ZNF575: variants seen among roughly 807,000 people sequenced by gnomAD.
The protein encoded by ZNF575 is zinc finger protein 575.
Under a neutral mutation model 17.5 loss-of-function variants are expected in ZNF575, and 17 were observed. The ratio of observed to expected loss-of-function variants is 0.97; its 90% CI spans 0.66 to 1.45. The LOEUF (loss-of-function observed/expected upper bound fraction) is 1.45. Among genes scored for constraint, ZNF575 ranks in the 40% most tolerant of loss-of-function variants. The probability of loss-of-function intolerance (pLI) is 0.00; values close to 1 mark genes in which losing one functional copy is unlikely to be tolerated. For missense variants in ZNF575, 352 were observed against 359.2 expected (o/e 0.98, Z 0.16); for synonymous variants, 146 against 158.3 (o/e 0.92, Z 0.58).
chr19:43,532,563 A>T (rs1972357327), upstream of ZNF575, among the ~76,000 whole-genome samples: 1 of 152,170 alleles, frequency 6.6e-6, no homozygotes, highest in Non-Finnish European at 1.5e-5. Flanking sequence ...CGTATTCCAA[A>T]CCAGTTACCC....
upstream of ZNF575, chr19:43,531,973 A>ATTT: frequency 3.8e-6 from 1 of 259,802 alleles, no homozygotes; most frequent in East Asian, 4.2e-5. Context: ...TTTTTTTAAG[A>ATTT]TGGGGAGGTG....
At chr19:43,534,188 T>A in intron 2 of ZNF575, 149 bp from the exon 3 acceptor site, 1 of 528,740 alleles carries the variant, frequency 1.9e-6, no homozygotes, top group Non-Finnish European at 3.3e-6. Flanking sequence ...CAACCCTGGG[T>A]TTAGATAGCG....
chr19:43,531,792 T>A, upstream of ZNF575: 1 of 631,782 alleles, frequency 1.6e-6, no homozygotes, highest in Non-Finnish European at 2.9e-6. Context: ...TTTTAAAAAC[T>A]TTTTTTTTAA....
chr19:43,535,374 C>T lies in ZNF575; in HGVS notation c.425C>T (p.Ala142Val). The T allele has an allele frequency of 1.9e-6, 3 of 1,581,516 alleles. No homozygotes were observed. The highest frequency in any genetic ancestry group is 1.7e-4 in the Middle Eastern group (1 of 5,960). Residue 142 changes from alanine (A) to valine (V), a missense_variant, in exon 4 of 4, where the codon GCA becomes GTA. Coordinates refer to ENST00000314228, the MANE Select transcript of ZNF575 (RefSeq NM_174945.3). ...SKLAAHLWTH[A>V]PTRPYPCPDC... ...CTGGCGGCTCACCTCTGGACCCACG[C>T]ACCCACCCGCCCCTACCCGTGCCCC...
rs1250214688 is a variant in ZNF575 at position 43,534,275 on chromosome 19, C to T, written c.-86-62C>T. The T allele has an allele frequency of 3.7e-5, 27 of 732,902 alleles. No homozygotes were observed. The East Asian group carries it at 7.3e-4, about 20-fold the overall frequency. 45.4% of individuals were successfully genotyped at this position (732,902 alleles called of 1,614,324 possible). A position where few individuals can be genotyped will look rare whatever the true frequency, so the allele number is the denominator to read the frequency against. The stretch of plus-strand genomic sequence containing the variant: ...GGCTCCGCCTCCCCGCTAAGCCTGC[C>T]CCCGCCTTAGCATCCCATACTTGCA... On this transcript the variant is annotated intron_variant, in intron 2 of 3. Transcript: ENST00000314228.
intron 2 of ZNF575, 71 bp from the exon 3 acceptor site, chr19:43,534,266 T>C: frequency 2.9e-6 from 2 of 685,470 alleles, no homozygotes; most frequent in Non-Finnish European, 4.8e-6. Flanking sequence ...GCCTCCCCGC[T>C]AAGCCTGCCC....
chr19:43,534,567 T>TG, intron 3 of ZNF575, 66 bp downstream of exon 3: 1 of 1,362,390 alleles, frequency 7.3e-7, no homozygotes, highest in Admixed American at 3.5e-5. Context: ...AATCACATTC[T>TG]GGGGGAATCT....
At chr19:43,531,942 CTTTTTTTT>C (rs869122064), upstream of ZNF575, 159 of 107,284 alleles carry the variant, frequency 1.5e-3, no homozygotes, top group Middle Eastern at 9.5e-3. Context: ...TTAAGCCAGA[CTTTTTTTT>C]TTTTTTTTTT....
chr19:43,535,802 C>A lies in ZNF575; in HGVS notation c.*115C>A. The A allele has an allele frequency of 7.9e-7, 1 of 1,271,574 alleles. No homozygotes were observed. Among genetic ancestry groups the A allele is most frequent in the Non-Finnish European group, 1.1e-6 (1 of 943,752 alleles). 78.8% of individuals were successfully genotyped at this position (1,271,574 alleles called of 1,614,324 possible). On this transcript the variant is annotated 3_prime_UTR_variant, in exon 4 of 4. Transcript: ENST00000314228. ...TCCAGATAGCTGGCAGAGGGCAGGGCAAGGGATTGGCCATTTATACTGGGC... is the reference window on the plus strand; with the variant it reads ...TCCAGATAGCTGGCAGAGGGCAGGGAAAGGGATTGGCCATTTATACTGGGC...
intron 3 of ZNF575, 51 bp downstream of exon 3, chr19:43,534,552 A>C (rs1244753176): frequency 4.3e-6 from 6 of 1,381,344 alleles, no homozygotes; most frequent in Non-Finnish European, 5.7e-6. Flanking sequence ...AACGGGGGCC[A>C]AAATAATCAC....
At chr19:43,534,228 AGCCCC>A (rs1286337834) in intron 2 of ZNF575, 104 bp from the exon 3 acceptor site, 8 of 556,192 alleles carry the variant, frequency 1.4e-5, no homozygotes, top group Non-Finnish European at 2.2e-5. Flanking sequence ...GAATTTGCAT[AGCCCC>A]GCTCACTGTG....
chr19:43,534,479 CA>C lies in ZNF575; in HGVS notation c.59del (p.Lys20ArgfsTer4), dbSNP rs1568506737. 6.7e-7 allele frequency: 1 copy of C among 1,485,342 alleles called. No individual in the cohort carries two copies. Among genetic ancestry groups the C allele is most frequent in the Non-Finnish European group, 9.0e-7 (1 of 1,115,972 alleles). 92.0% of individuals were successfully genotyped at this position (1,485,342 alleles called of 1,614,324 possible). ...AGATDPSPTG[K>X]EPVTKEAPHQ... ...GGGCTACCGATCCTAGTCCCACTGG[CA>C]AGGAACCAGTGACCAAAGAAGGTGA... On this transcript the variant is annotated frameshift_variant, in exon 3 of 4. Transcript: ENST00000314228. LOFTEE classifies it high-confidence loss of function.
upstream of ZNF575, chr19:43,531,811 G>A (rs1320826460): frequency 5.8e-6 from 4 of 685,114 alleles, no homozygotes; most frequent in African/African-American, 5.4e-5. Context: ...AAAGATACGG[G>A]GTATCACTCT....
In ZNF575 at chr19:43,535,103, C is replaced by G; in HGVS notation, c.154C>G (p.Arg52Gly). ...GPTASAGSPP[R>G]PRRRPPPQRP... ...CACCGCGTCCGCGGGCTCGCCTCCC[C>G]GGCCTCGCCGGCGGCCCCCGCCCCA... Residue 52 changes from arginine (R) to glycine (G), a missense_variant, in exon 4 of 4, where the codon CGG becomes GGG. By Grantham distance (125) the Arg-to-Gly change is moderately radical (BLOSUM62 -2). Transcript: ENST00000314228. 2 of 1,513,446 alleles carry G rather than the reference C, an allele frequency of 1.3e-6. No homozygotes were observed. The highest frequency in any genetic ancestry group is 1.8e-6 in the Non-Finnish European group (2 of 1,136,318). 93.8% of individuals were successfully genotyped at this position (1,513,446 alleles called of 1,614,324 possible). A position where few individuals can be genotyped will look rare whatever the true frequency, so the allele number is the denominator to read the frequency against.
upstream of ZNF575, among the ~76,000 whole-genome samples, chr19:43,531,185 G>A (rs926827940): frequency 2.6e-5 from 4 of 151,822 alleles, no homozygotes; most frequent in Non-Finnish European, 4.4e-5. Flanking sequence ...CAGCTACTCA[G>A]GACGTTGAAG....
chr19:43,533,185 G>C (rs924031220), upstream of ZNF575: 1 of 152,166 alleles, frequency 6.6e-6, no homozygotes. Context: ...CTGTCGATAC[G>C]GTAGCTTCGC....
At chr19:43,531,005 G>A (rs568116743), upstream of ZNF575, among the ~76,000 whole-genome samples, 272 of 152,010 alleles carry the variant, frequency 1.8e-3, 1 homozygote, top group Admixed American at 3.6e-3. Flanking sequence ...GAGGTTGGGC[G>A]CGGTGGCTCA....
intron 3 of ZNF575, 95 bp downstream of exon 3, chr19:43,534,596 G>A (rs1972388521): frequency 3.3e-6 from 4 of 1,206,384 alleles, no homozygotes; most frequent in Non-Finnish European, 4.4e-6. Flanking sequence ...AAATTTGAGG[G>A]CCCTAGGGTG....
rs1434029156 is a variant in ZNF575, at chr19:43,533,898, G to C, written c.-91G>C. 6.5e-6 allele frequency: 1 copy of C among 154,056 alleles called. No individual in the cohort carries two copies. The highest frequency in any genetic ancestry group is 1.4e-5 in the Non-Finnish European group (1 of 69,138). 9.5% of individuals were successfully genotyped at this position (154,056 alleles called of 1,614,324 possible). A position where few individuals can be genotyped will look rare whatever the true frequency, so the allele number is the denominator to read the frequency against. On this transcript the variant is annotated 5_prime_UTR_variant, in exon 2 of 4. Transcript: ENST00000314228. ...TCAATGAACTGAGACTAAGTCAAAAGCCGGGTAAAGCTAGGTCTTCGACGT... is the reference window on the plus strand; with the variant it reads ...TCAATGAACTGAGACTAAGTCAAAACCCGGGTAAAGCTAGGTCTTCGACGT...
Sources: allele counts gnomAD v4.1 joint callset (sites outside exome capture counted in the v4.1 genomes callset), GRCh38; gene constraint gnomAD v4.1.1; transcripts MANE v1.5; gene names NCBI Gene and HGNC (gene_info 2026-07-23, HGNC 2026-07-21).